ACER3: variants seen among roughly 807,000 people sequenced by gnomAD.
The protein encoded by ACER3 is alkaline ceramidase 3, also known as alkCDase 3.
Under a neutral mutation model 48.9 loss-of-function variants are expected in ACER3, and 16 were observed. That is an observed-to-expected ratio of 0.33 (90% CI 0.22 to 0.50). ACER3 has a LOEUF of 0.50. Among genes scored for constraint, ACER3 ranks in the 20% least tolerant of loss-of-function variants. The pLI, the probability that ACER3 is intolerant of heterozygous loss-of-function variation, is 0.98. For synonymous variants in ACER3, 109 were observed against 107.8 expected (o/e 1.01, Z -0.07); for missense variants, 227 against 326.0 (o/e 0.70, Z 2.34).
chr11:76,889,438 T>G (rs542228888), intron 1 of ACER3, among the ~76,000 whole-genome samples: 41 of 152,338 alleles, frequency 2.7e-4, no homozygotes, highest in Non-Finnish European at 4.3e-4. Context: ...TTTCTTTGTT[T>G]TCTTTTAGCC....
At chr11:76,960,139 G>A (rs1051328512) in intron 3 of ACER3, among the ~76,000 whole-genome samples, 6 of 152,104 alleles carry the variant, frequency 3.9e-5, no homozygotes, top group Admixed American at 2.6e-4. Flanking sequence ...GGCTGGGCGC[G>A]GTGGCTCATG....
At chr11:76,967,376 G>A (rs1038378987) in intron 3 of ACER3, among the ~76,000 whole-genome samples, 8 of 152,216 alleles carry the variant, frequency 5.3e-5, no homozygotes, top group African/African-American at 1.9e-4. Flanking sequence ...TTCTACCAGA[G>A]GTACAAGGAG....
rs183157915 is a variant in ACER3 at position 77,005,103 on chromosome 11, T to C, written c.497+6282T>C. On this transcript the variant is annotated intron_variant, in intron 7 of 10. Coordinates refer to ENST00000532485, the MANE Select transcript of ACER3 (RefSeq NM_018367.7). The stretch of plus-strand genomic sequence containing the variant: ...TCCAGGCTGGAGAGCAGTGGCGCGA[T>C]CTCAGCTCACTGCAAACTCCGCCTC... 3.9e-4 allele frequency among the ~76,000 whole-genome samples: 59 copies of C among 150,136 alleles called. No homozygotes were observed. The East Asian group carries it at 0.011, about 28-fold the overall frequency.
chr11:76,882,041 G>A (rs536809528), intron 1 of ACER3, among the ~76,000 whole-genome samples: 2 of 127,390 alleles, frequency 1.6e-5, no homozygotes, highest in African/African-American at 5.9e-5. Context: ...GTCTCGCTCT[G>A]TTGTTCAGGC....
At chr11:76,887,529 TA>T (rs1945702042) in intron 1 of ACER3, among the ~76,000 whole-genome samples, 1 of 152,256 alleles carries the variant, frequency 6.6e-6, no homozygotes, top group South Asian at 2.1e-4. Flanking sequence ...TATATATATT[TA>T]AAACATTAAG....
chr11:76,936,108 G>A (rs1002948084), intron 2 of ACER3, among the ~76,000 whole-genome samples: 1 of 152,326 alleles, frequency 6.6e-6, no homozygotes, highest in Middle Eastern at 3.4e-3. Flanking sequence ...CATGGCTGGG[G>A]AATCATGGCC....
At chr11:76,895,370 C>T (rs1202589092) in intron 1 of ACER3, among the ~76,000 whole-genome samples, 2 of 152,112 alleles carry the variant, frequency 1.3e-5, no homozygotes, top group Non-Finnish European at 2.9e-5. Flanking sequence ...TTCTCTATGT[C>T]ACTAGCAGGA....
In ACER3 at chr11:76,949,427, C is replaced by T. The variant is rs147590968; in HGVS notation, c.215-9552C>T. 1.1e-4 allele frequency among the ~76,000 whole-genome samples: 16 copies of T among 152,280 alleles called. 1 individual carries two copies. The highest frequency in any genetic ancestry group is 3.1e-4 in the African/African-American group (13 of 41,554). ...ATGTCACAAACAGGCAAGTCAAATG[C>T]AGCTCTTCATCATGATGAAATGTTG... On this transcript the variant is annotated intron_variant, in intron 2 of 10. Transcript: ENST00000532485.
At chr11:76,866,830 G>T (rs567315899) in intron 1 of ACER3, among the ~76,000 whole-genome samples, 3 of 152,268 alleles carry the variant, frequency 2.0e-5, no homozygotes, top group African/African-American at 7.2e-5. Flanking sequence ...TTTCTACCAA[G>T]ACATACTATC....
intron 1 of ACER3, among the ~76,000 whole-genome samples, chr11:76,891,083 C>T (rs183276405): frequency 1.3e-4 from 20 of 151,396 alleles, no homozygotes; most frequent in South Asian, 4.2e-4. Context: ...TGCACCACTG[C>T]ACTCCAGCCT....
chr11:77,000,697 CTT>C (rs1331894580), intron 7 of ACER3, among the ~76,000 whole-genome samples: 3 of 152,176 alleles, frequency 2.0e-5, no homozygotes, highest in Non-Finnish European at 2.9e-5. Context: ...TGCCTTTGCA[CTT>C]TTGTCAAAAA....
chr11:76,944,810 G>T (rs554697444), intron 2 of ACER3, among the ~76,000 whole-genome samples: 3 of 151,942 alleles, frequency 2.0e-5, no homozygotes, highest in Non-Finnish European at 4.4e-5. Context: ...TGAACTTTTT[G>T]ATCTCTCTTC....
At chr11:76,985,823 T>C (rs1360516411) in intron 5 of ACER3, 99 bp downstream of exon 5, 2 of 633,262 alleles carry the variant, frequency 3.2e-6, no homozygotes, top group South Asian at 2.9e-5. Flanking sequence ...GCTGTCAAAC[T>C]GAAATCTTTC....
At chr11:76,879,324 A>AT (rs769718708) in intron 1 of ACER3, among the ~76,000 whole-genome samples, 20 of 152,074 alleles carry the variant, frequency 1.3e-4, no homozygotes, top group Non-Finnish European at 2.2e-4. Flanking sequence ...ATTGAAGTTT[A>AT]TTTTTTCCTA....
intron 2 of ACER3, among the ~76,000 whole-genome samples, chr11:76,938,264 G>A (rs759696127): frequency 1.3e-5 from 2 of 151,588 alleles, no homozygotes; most frequent in South Asian, 2.1e-4. Context: ...ATTCGCTCAC[G>A]TTGGCCTGTC....
intron 2 of ACER3, among the ~76,000 whole-genome samples, chr11:76,940,860 A>C (rs1418156782): frequency 6.6e-6 from 1 of 152,204 alleles, no homozygotes; most frequent in African/African-American, 2.4e-5. Flanking sequence ...CAAACTAAAC[A>C]CATGGGAATG....
intron 2 of ACER3, among the ~76,000 whole-genome samples, chr11:76,944,349 C>T (rs1034960089): frequency 5.9e-5 from 9 of 152,020 alleles, no homozygotes; most frequent in Non-Finnish European, 1.2e-4. Flanking sequence ...ATTGACCTTT[C>T]GTTTCCATGT....
At chr11:76,949,770 C>T (rs1947587954) in intron 2 of ACER3, among the ~76,000 whole-genome samples, 1 of 152,148 alleles carries the variant, frequency 6.6e-6, no homozygotes, top group Non-Finnish European at 1.5e-5. Context: ...TAAACTTCAC[C>T]TGTTCTCCAG....
chr11:76,948,370 T>A (rs979602042), intron 2 of ACER3, among the ~76,000 whole-genome samples: 2 of 152,108 alleles, frequency 1.3e-5, no homozygotes, highest in African/African-American at 4.8e-5. Flanking sequence ...ACGCTCTTTT[T>A]AAATAACCTA....
Sources: allele counts gnomAD v4.1 joint callset (sites outside exome capture counted in the v4.1 genomes callset), GRCh38; gene constraint gnomAD v4.1.1; transcripts MANE v1.5; gene names NCBI Gene and HGNC (gene_info 2026-07-23, HGNC 2026-07-21).